FRMPD4: variants seen among roughly 807,000 people sequenced by gnomAD.
The protein encoded by FRMPD4 is FERM and PDZ domain containing 4.
Under a neutral mutation model 94.1 loss-of-function variants are expected in FRMPD4, and 22 were observed. The observed-to-expected ratio is 0.23, with a 90% CI of 0.17 to 0.33. The LOEUF (loss-of-function observed/expected upper bound fraction) is 0.33. Ranked by LOEUF, FRMPD4 falls within the 10% of genes least tolerant of loss-of-function variation. The pLI is 1.00. For synonymous variants in FRMPD4, 631 were observed against 548.6 expected (o/e 1.15, Z -2.10); for missense variants, 1,111 against 1,339.9 (o/e 0.83, Z 2.67).
rs190295462 is a variant in FRMPD4 at position 12,688,845 on chromosome X, G to A, written c.682-1350G>A. Among the ~76,000 whole-genome samples, 3 of 106,501 alleles carry A rather than the reference G, an allele frequency of 2.8e-5. No homozygotes were observed. In the East Asian group the frequency reaches 8.8e-4, roughly 31 times the overall value. The allele number at this position is 106,501 out of a possible 115,157, so 92.5% of individuals were successfully genotyped here. ...GATGTGGGGATCTTTGATTTAATGG[G>A]GCCTGAAGAAATTGAAAAAGGACCA... On this transcript the variant is annotated intron_variant, in intron 7 of 16. Coordinates refer to ENST00000675598, the MANE Select transcript of FRMPD4 (RefSeq NM_001368397.1).
intron 1 of FRMPD4, among the ~76,000 whole-genome samples, chrX:12,209,757 T>C (rs1260393331): frequency 8.9e-6 from 1 of 112,271 alleles, no homozygotes; most frequent in East Asian, 2.8e-4. Flanking sequence ...AATTGTGTTC[T>C]TAATTCCAAG....
At chrX:12,586,952 C>G (rs1032403479) in intron 2 of FRMPD4, among the ~76,000 whole-genome samples, 1 of 108,373 alleles carries the variant, frequency 9.2e-6, no homozygotes, top group Non-Finnish European at 1.9e-5. Context: ...AAAATTAGCC[C>G]CTCAAAGGGA....
chrX:12,506,259 G>C (rs1414354990), intron 2 of FRMPD4, among the ~76,000 whole-genome samples: 1 of 111,650 alleles, frequency 9.0e-6, no homozygotes. Flanking sequence ...TGGTCTCTCT[G>C]TTAACATGTC....
At chrX:12,330,350 G>A (rs146562317) in intron 1 of FRMPD4, among the ~76,000 whole-genome samples, 2,170 of 111,054 alleles carry the variant, frequency 0.02, 37 homozygotes, top group African/African-American at 0.061. Context: ...GTTCATGCAA[G>A]TTAGCATCTA....
intron 1 of FRMPD4, among the ~76,000 whole-genome samples, chrX:12,360,549 A>G (rs1281410798): frequency 1.8e-5 from 2 of 111,982 alleles, no homozygotes; most frequent in African/African-American, 6.5e-5. Flanking sequence ...ATTATGAACA[A>G]GTCTGAGTCA....
intron 3 of FRMPD4, among the ~76,000 whole-genome samples, chrX:12,119,501 T>A (rs1358501726): frequency 8.9e-6 from 1 of 112,288 alleles, no homozygotes; most frequent in Non-Finnish European, 1.9e-5. Flanking sequence ...AGGCTAGGTG[T>A]AACTTGGGAC....
chrX:12,235,254 G>A (rs753785480), intron 1 of FRMPD4, among the ~76,000 whole-genome samples: 1 of 111,779 alleles, frequency 8.9e-6, no homozygotes, highest in South Asian at 3.8e-4. Context: ...TAACAGCTTT[G>A]AGGATGAAAT....
chrX:12,253,880 T>C (rs1376818894), intron 1 of FRMPD4, among the ~76,000 whole-genome samples: 1 of 111,539 alleles, frequency 9.0e-6, no homozygotes, highest in African/African-American at 3.3e-5. Flanking sequence ...AAGGGAATAT[T>C]ATCAGGAGAA....
intron 3 of FRMPD4, among the ~76,000 whole-genome samples, chrX:12,102,572 C>T (rs1221901160): frequency 9.0e-6 from 1 of 111,117 alleles, no homozygotes; most frequent in Admixed American, 9.6e-5. Context: ...ATTTTCATAG[C>T]AAGTTTTGTC....
At chrX:12,096,683 G>C (rs1399579931) in intron 3 of FRMPD4, among the ~76,000 whole-genome samples, 2 of 111,449 alleles carry the variant, frequency 1.8e-5, no homozygotes, top group African/African-American at 6.5e-5. Flanking sequence ...CCAGGAGTTT[G>C]ATGCCAGCCT....
chrX:12,310,596 G>A (rs966470321), intron 1 of FRMPD4, among the ~76,000 whole-genome samples: 14 of 112,194 alleles, frequency 1.2e-4, no homozygotes, highest in East Asian at 2.8e-4. Context: ...GCATAAAATA[G>A]CATTCATATT....
At chrX:12,080,249 A>G (rs2055051681) in intron 3 of FRMPD4, among the ~76,000 whole-genome samples, 1 of 112,555 alleles carries the variant, frequency 8.9e-6, no homozygotes, top group African/African-American at 3.2e-5. Context: ...ATGGTTTTAC[A>G]TTGCAGTCTT....
At chrX:12,709,771 G>A (rs2041947831) in intron 13 of FRMPD4, among the ~76,000 whole-genome samples, 1 of 111,928 alleles carries the variant, frequency 8.9e-6, no homozygotes, top group African/African-American at 3.3e-5. Context: ...ATGTTTAATT[G>A]TCTTTAAATG....
chrX:12,154,214 G>C, intron 1 of FRMPD4, among the ~76,000 whole-genome samples: 1 of 112,624 alleles, frequency 8.9e-6, no homozygotes, highest in Non-Finnish European at 1.9e-5. Context: ...CTGTATAAAT[G>C]TTCCCACTGT....
At chrX:12,113,615 A>T (rs1169759007) in intron 3 of FRMPD4, among the ~76,000 whole-genome samples, 1 of 111,682 alleles carries the variant, frequency 9.0e-6, no homozygotes, top group East Asian at 2.8e-4. Context: ...AGCCCCTGTG[A>T]TTAAATTGAG....
chrX:12,093,126 T>C (rs770964221), intron 3 of FRMPD4, among the ~76,000 whole-genome samples: 1 of 110,891 alleles, frequency 9.0e-6, no homozygotes, highest in East Asian at 2.9e-4. Flanking sequence ...GGATGGAAAT[T>C]AAAGAGGTAA....
intron 3 of FRMPD4, among the ~76,000 whole-genome samples, chrX:11,943,363 C>T (rs1426213664): frequency 9.0e-6 from 1 of 111,357 alleles, no homozygotes; most frequent in Non-Finnish European, 1.9e-5. Flanking sequence ...TTACTCCATA[C>T]TATTTATTTT....
At chrX:12,713,249 G>A (rs777830497) in intron 14 of FRMPD4, among the ~76,000 whole-genome samples, 12 of 111,853 alleles carry the variant, frequency 1.1e-4, no homozygotes, top group Non-Finnish European at 2.1e-4. Context: ...TTGTAGAGGT[G>A]TATGAAGAAA....
At chrX:12,537,787 C>T (rs1038754776) in intron 2 of FRMPD4, among the ~76,000 whole-genome samples, 3 of 110,179 alleles carry the variant, frequency 2.7e-5, no homozygotes, top group East Asian at 2.8e-4. Context: ...TCTTTAAGCA[C>T]GCCTATTGTC....
Sources: gnomAD v4.1 joint callset for allele counts (sites outside exome capture counted in the v4.1 genomes callset) on GRCh38, gnomAD v4.1.1 for gene constraint, MANE v1.5 for transcripts, NCBI Gene and HGNC (gene_info 2026-07-23, HGNC 2026-07-21) for gene names.